CSN2: variants seen among roughly 807,000 people sequenced by gnomAD.
CSN2 encodes beta-casein.
In CSN2, 27 loss-of-function variants were observed where a neutral mutation model predicts 27.3. The ratio of observed to expected loss-of-function variants is 0.99; its 90% CI spans 0.73 to 1.36. The LOEUF (loss-of-function observed/expected upper bound fraction) is 1.36, where lower values mean the gene tolerates loss of function less well. CSN2 is among the 40% of genes most tolerant of loss of function. CSN2 has a pLI of 0.00. For missense variants in CSN2, 333 were observed against 264.5 expected (o/e 1.26, Z -1.80); for synonymous variants, 131 against 94.8 (o/e 1.38, Z -2.22).
In CSN2 at chr4:69,965,369, T is replaced by A. The variant is rs999977575; in HGVS notation, c.-13+312A>T. Among the ~76,000 whole-genome samples, 9 of 120,080 alleles carry A rather than the reference T, an allele frequency of 7.5e-5. No homozygotes were observed. In the South Asian group the frequency reaches 1.4e-3, roughly 18 times the overall value. 78.8% of individuals were successfully genotyped at this position (120,080 alleles called of 152,430 possible). On this transcript the variant is annotated intron_variant, in intron 1 of 7. Coordinates refer to ENST00000353151, the MANE Select transcript of CSN2 (RefSeq NM_001891.4). ...CAAATTGGAAGATTAATTAAAAAAA[T>A]GAATCTCCTTTTAATATTAACTATG...
At chr4:69,964,592 A>G (rs557086746) in intron 1 of CSN2, among the ~76,000 whole-genome samples, 30 of 151,820 alleles carry the variant, frequency 2.0e-4, no homozygotes, top group Admixed American at 1.6e-3. Context: ...TTAAGTTTTT[A>G]TTAATTTTAC....
intron 1 of CSN2, among the ~76,000 whole-genome samples, chr4:69,963,469 A>C (rs1449062062): frequency 6.6e-6 from 1 of 152,102 alleles, no homozygotes; most frequent in Admixed American, 6.6e-5. Flanking sequence ...CATCATTCTC[A>C]GCAAACTATC....
intron 3 of CSN2, 136 bp from the exon 4 acceptor site, chr4:69,959,205 A>G: frequency 1.4e-6 from 1 of 718,102 alleles, no homozygotes; most frequent in Non-Finnish European, 2.1e-6. Flanking sequence ...TATGTATTAA[A>G]CTGTTCTATA....
At chr4:69,956,042 A>T (rs1723386673) in intron 7 of CSN2, among the ~76,000 whole-genome samples, 1 of 152,128 alleles carries the variant, frequency 6.6e-6, no homozygotes, top group Non-Finnish European at 1.5e-5. Flanking sequence ...TTTCCTAAAA[A>T]TAGTGATAAT....
At chr4:69,963,648 A>G (rs1219550392) in intron 1 of CSN2, among the ~76,000 whole-genome samples, 1 of 152,160 alleles carries the variant, frequency 6.6e-6, no homozygotes, top group Admixed American at 6.6e-5. Flanking sequence ...ATGACGTGTT[A>G]ATGGGTGCAG....
At chr4:69,962,018 A>T (rs1190699957) in intron 1 of CSN2, among the ~76,000 whole-genome samples, 1 of 152,166 alleles carries the variant, frequency 6.6e-6, no homozygotes, top group Non-Finnish European at 1.5e-5. Context: ...TAGGAATCCA[A>T]CTTACAAGGG....
Position 69,956,370 on chromosome 4 carries a change from G to C in CSN2, c.676-15C>G. The C allele has an allele frequency of 7.2e-7, 1 of 1,393,778 alleles. No homozygotes were observed. The highest frequency in any genetic ancestry group is 9.5e-7 in the Non-Finnish European group (1 of 1,053,374). 86.3% of individuals were successfully genotyped at this position (1,393,778 alleles called of 1,614,324 possible). ...TCTTCTTAGACCTTAAAAATAAACAGATACAAATAAATAAATAACCTCTTA... is the reference window on the plus strand; with the variant it reads ...TCTTCTTAGACCTTAAAAATAAACACATACAAATAAATAAATAACCTCTTA... On this transcript the variant is annotated splice_polypyrimidine_tract_variant and intron_variant, in intron 6 of 7. Transcript: ENST00000353151.
At chr4:69,961,063 T>G (rs2109746116) in intron 1 of CSN2, 56 bp from the exon 2 acceptor site, 4 of 1,242,036 alleles carry the variant, frequency 3.2e-6, no homozygotes, top group Non-Finnish European at 4.7e-6. Context: ...ATATACTTTC[T>G]TATGTAGGTA....
In CSN2 at chr4:69,955,489, G is replaced by A. The variant is rs147302244; in HGVS notation, c.*140C>T. On this transcript the variant is annotated 3_prime_UTR_variant, in exon 8 of 8. Transcript: ENST00000353151. ...GACATAATATATAAAATAAATAAAG[G>A]GACAAAGTTCATTTTTTCCATATAA... 1.4e-3 allele frequency: 216 copies of A among 152,290 alleles called. 3 individuals are homozygous for A. The highest frequency in any genetic ancestry group is 5.1e-3 in the African/African-American group (213 of 41,422). The allele number at this position is 152,290 out of a possible 1,614,324, so 9.4% of individuals were successfully genotyped here.
At position 69,957,476 on chromosome 4, in the gene CSN2, G is replaced by T; in HGVS notation, c.473C>A (p.Pro158His). The change falls in exon 6 of 8, where the codon CCT becomes CAT. Residue 158 changes from proline (P) to histidine (H), a missense_variant. By Grantham distance (77) the Pro-to-His change is moderately conservative. Coordinates refer to ENST00000353151, the MANE Select transcript of CSN2 (RefSeq NM_001891.4). ...PLMQQVPQPI[P>H]QTLALPPQPL... is the part of the protein sequence containing the mutation. ...CTGAGGGGGAAGTGCAAGAGTCTGA[G>T]GAATAGGCTGAGGGACCTGCTGCAT... The T allele has an allele frequency of 6.2e-7, 1 of 1,613,878 alleles. No homozygotes were observed. Among genetic ancestry groups the T allele is most frequent in the South Asian group, 1.1e-5 (1 of 91,082 alleles).
Position 69,957,395 on chromosome 4 carries a change from G to T in CSN2, c.554C>A (p.Pro185His), listed in dbSNP as rs376021496. Residue 185 changes from proline to histidine, a missense_variant, in exon 6 of 8, where the codon CCC (proline) becomes CAC (histidine). Physicochemically the swap from Pro to His is moderately conservative, Grantham distance 77. Coordinates refer to ENST00000353151, the MANE Select transcript of CSN2 (RefSeq NM_001891.4). ...KVLPIPQQVV[P>H]YPQRAVPVQA... ...AACAGGCACAGCTCTCTGAGGGTAG[G>T]GCACCACTTGCTGGGGGATAGGCAG... 3 of 1,613,596 alleles carry T rather than the reference G, an allele frequency of 1.9e-6. No homozygotes were observed. The East Asian group carries it at 6.7e-5, about 36-fold the overall frequency.
rs1377474281 is a variant in CSN2, at chr4:69,959,075, G to C, written c.79-6C>G. The C allele has an allele frequency of 7.5e-7, 1 of 1,337,996 alleles. No individual in the cohort carries two copies. The highest frequency in any genetic ancestry group is 1.0e-6 in the Non-Finnish European group (1 of 970,728). The allele number at this position is 1,337,996 out of a possible 1,614,324, so 82.9% of individuals were successfully genotyped here. A position where few individuals can be genotyped will look rare whatever the true frequency, so the allele number is the denominator to read the frequency against. ...TTGTATTCTGTAATAGATTCCTACAGAAAAATATAAAATAAAATTAGGTTT... is the reference window on the plus strand; with the variant it reads ...TTGTATTCTGTAATAGATTCCTACACAAAAATATAAAATAAAATTAGGTTT... On this transcript the variant is annotated splice_region_variant and splice_polypyrimidine_tract_variant and intron_variant, in intron 3 of 7. Transcript: ENST00000353151.
intron 2 of CSN2, 151 bp from the exon 3 acceptor site, chr4:69,960,230 A>G (rs1424124129): frequency 1.8e-5 from 12 of 672,126 alleles, no homozygotes; most frequent in Non-Finnish European, 3.0e-5. Context: ...TAAAAATTCA[A>G]CTTCTATAGC....
intron 1 of CSN2, 106 bp from the exon 2 acceptor site, chr4:69,961,113 A>G: frequency 1.6e-6 from 1 of 644,638 alleles, no homozygotes; most frequent in Non-Finnish European, 2.7e-6. Flanking sequence ...GAGAGATAAT[A>G]TATAACAAAA....
intron 2 of CSN2, 89 bp from the exon 3 acceptor site, chr4:69,960,168 A>T (rs1723528007): frequency 8.2e-7 from 1 of 1,224,254 alleles, no homozygotes; most frequent in African/African-American, 1.5e-5. Flanking sequence ...TTCTCTAAAA[A>T]AATAATCTCA....
At chr4:69,960,733 T>C (rs1723547199) in intron 2 of CSN2, among the ~76,000 whole-genome samples, 1 of 152,134 alleles carries the variant, frequency 6.6e-6, no homozygotes, top group East Asian at 1.9e-4. Flanking sequence ...CTTTAGTGAC[T>C]AGCAGCACAT....
At chr4:69,965,548 A>T (rs952227000) in intron 1 of CSN2, among the ~76,000 whole-genome samples, 133 bp downstream of exon 1, 3 of 151,114 alleles carry the variant, frequency 2.0e-5, no homozygotes, top group Non-Finnish European at 3.0e-5. Context: ...TGTTAAAAAT[A>T]ATCTCAGTAC....
rs1468587289 is a variant in CSN2, at chr4:69,961,769, A to G, written c.-12-762T>C. ...AGGAGAAGGAAATAAAGGTCATTCA[A>G]TTAGGAAAAGAGGAAGTCAAATTGT... On this transcript the variant is annotated intron_variant, in intron 1 of 7. Transcript: ENST00000353151. 3.3e-5 allele frequency among the ~76,000 whole-genome samples: 5 copies of G among 152,330 alleles called. No individual in the cohort carries two copies. In the East Asian group the frequency reaches 7.7e-4, roughly 24 times the overall value.
At chr4:69,961,098 A>AAAAAGAGAG in intron 1 of CSN2, 91 bp from the exon 2 acceptor site, 1 of 745,014 alleles carries the variant, frequency 1.3e-6, no homozygotes, top group Non-Finnish European at 2.2e-6. Context: ...AAAACAAAAA[A>AAAAAGAGAG]AAAAGAGAGA....
Sources: gnomAD v4.1 joint callset for allele counts (sites outside exome capture counted in the v4.1 genomes callset) on GRCh38, gnomAD v4.1.1 for gene constraint, MANE v1.5 for transcripts, NCBI Gene and HGNC (gene_info 2026-07-23, HGNC 2026-07-21) for gene names.